The following CFAP46 variants were observed in gnomAD, a reference collection of about 807,000 sequenced individuals.
The protein encoded by CFAP46 is cilia- and flagella-associated protein 46.
A neutral mutation model predicts 325.7 loss-of-function variants in CFAP46; 245 were observed. The observed-to-expected ratio is 0.75, with a 90% CI of 0.68 to 0.84. The LOEUF is 0.84. Ranked by LOEUF, CFAP46 falls within the 40% of genes least tolerant of loss-of-function variation. CFAP46 has a pLI of 0.00. For synonymous variants in CFAP46, 1,523 were observed against 1,495.9 expected (o/e 1.02, Z -0.42); for missense variants, 3,346 against 3,543.0 (o/e 0.94, Z 1.41).
chr10:132,929,607 C>T (rs367603118), intron 9 of CFAP46, 98 bp downstream of exon 9: 9 of 1,146,186 alleles, frequency 7.9e-6, no homozygotes, highest in South Asian at 1.2e-5. Context: ...CCCTGGGGGC[C>T]GTGGCCTGGT....
chr10:132,849,975 C>T (rs927949278), intron 41 of CFAP46, among the ~76,000 whole-genome samples: 5 of 150,578 alleles, frequency 3.3e-5, no homozygotes, highest in South Asian at 2.2e-4. Context: ...CGTGCTGGGG[C>T]GGGCTGGCTC....
At chr10:132,851,431 G>A in intron 39 of CFAP46, 126 bp from the exon 40 acceptor site, 1 of 850,020 alleles carries the variant, frequency 1.2e-6, no homozygotes, top group South Asian at 1.8e-5. Flanking sequence ...ATCTACAGTG[G>A]AAAACTGACA....
intron 22 of CFAP46, 133 bp downstream of exon 22, chr10:132,908,334 GC>G: frequency 9.0e-7 from 1 of 1,109,282 alleles, no homozygotes; most frequent in Non-Finnish European, 1.3e-6. Context: ...TGTGATCGCG[GC>G]CCAGGCCCGC....
rs983157654 is a variant in CFAP46, at chr10:132,825,767, T to C, written c.7117+7591A>G. ...GTATACCAGGAAAATCCAACAAACCTCAAAGAACAAAACCCAGATAACCCC... is the reference window on the plus strand; with the variant it reads ...GTATACCAGGAAAATCCAACAAACCCCAAAGAACAAAACCCAGATAACCCC... On this transcript the variant is annotated intron_variant, in intron 50 of 57. Coordinates refer to ENST00000368586, the MANE Select transcript of CFAP46 (RefSeq NM_001200049.3). 2.0e-4 allele frequency among the ~76,000 whole-genome samples: 30 copies of C among 151,738 alleles called. No homozygotes were observed. The Middle Eastern group carries it at 0.01, about 52-fold the overall frequency.
intron 50 of CFAP46, among the ~76,000 whole-genome samples, chr10:132,829,334 TGTTTTAA>T (rs1848111890): frequency 6.6e-6 from 1 of 152,226 alleles, no homozygotes; most frequent in Non-Finnish European, 1.5e-5. Flanking sequence ...TCAATGGTAG[TGTTTTAA>T]GTTTTAATTT....
In CFAP46 at chr10:132,886,069, C is replaced by A; in HGVS notation, c.3305-110G>T. 7.1e-7 allele frequency: 1 copy of A among 1,404,052 alleles called. No individual in the cohort carries two copies. The highest frequency in any genetic ancestry group is 1.4e-5 in the African/African-American group (1 of 70,442). 87.0% of individuals were successfully genotyped at this position (1,404,052 alleles called of 1,614,324 possible). A position where few individuals can be genotyped will look rare whatever the true frequency, so the allele number is the denominator to read the frequency against. Reference sequence around the variant, plus strand: ...TCACAGTGCCCCTGAGGTGGAACCGCGGCTACAGAGGTGCCCAGGCCAGCG... The same window carrying A: ...TCACAGTGCCCCTGAGGTGGAACCGAGGCTACAGAGGTGCCCAGGCCAGCG... On this transcript the variant is annotated intron_variant, in intron 25 of 57. Transcript: ENST00000368586. The surrounding 1 kb of genome is among the most constrained non-coding windows in gnomAD (Gnocchi z 5.8).
intron 27 of CFAP46, among the ~76,000 whole-genome samples, chr10:132,882,610 C>G (rs1849064657): frequency 6.6e-6 from 1 of 151,774 alleles, no homozygotes; most frequent in African/African-American, 2.4e-5. Context: ...GGTGGGGGGT[C>G]TGGGCTAGAG....
intron 50 of CFAP46, among the ~76,000 whole-genome samples, chr10:132,822,061 CTGA>C (rs1191787868): frequency 6.5e-5 from 8 of 123,878 alleles, no homozygotes; most frequent in South Asian, 2.7e-4. Flanking sequence ...GCTGTGTGTG[CTGA>C]TGTGTGCTGT....
chr10:132,934,897 T>A (rs377720126), intron 7 of CFAP46, 35 bp from the exon 8 acceptor site: 1 of 1,283,282 alleles, frequency 7.8e-7, no homozygotes, highest in Non-Finnish European at 1.1e-6. Context: ...CAGCACAAGA[T>A]CCTGTCAGAT....
intron 25 of CFAP46, among the ~76,000 whole-genome samples, chr10:132,888,089 C>T (rs1164639941): frequency 6.6e-6 from 1 of 150,992 alleles, no homozygotes; most frequent in African/African-American, 2.4e-5. Flanking sequence ...TCTCCCCTCT[C>T]CCTCTCTCAT....
At chr10:132,926,802 C>T (rs1244391484) in intron 9 of CFAP46, 136 bp from the exon 10 acceptor site, 2 of 698,440 alleles carry the variant, frequency 2.9e-6, no homozygotes, top group African/African-American at 1.8e-5. Flanking sequence ...GACACAAAGA[C>T]ACCTATGACG....
At chr10:132,929,316 C>T (rs907100244) in intron 9 of CFAP46, 2 of 606,024 alleles carry the variant, frequency 3.3e-6, no homozygotes. Flanking sequence ...TAGCTGTCTG[C>T]AGGTAACAAA....
chr10:132,879,349 G>A (rs1338243992), intron 29 of CFAP46, 77 bp downstream of exon 29: 26 of 1,334,708 alleles, frequency 1.9e-5, no homozygotes, highest in East Asian at 2.6e-5. Context: ...TCTTTACAAC[G>A]CTCACTGCGG....
chr10:132,909,297 G>A, intron 20 of CFAP46, 53 bp from the exon 21 acceptor site: 3 of 1,261,448 alleles, frequency 2.4e-6, no homozygotes, highest in Middle Eastern at 1.9e-4. Flanking sequence ...GGGGGAGTCT[G>A]GAATATGCGT....
At chr10:132,868,465 C>T (rs554460845) in intron 33 of CFAP46, among the ~76,000 whole-genome samples, 6 of 149,262 alleles carry the variant, frequency 4.0e-5, no homozygotes, top group East Asian at 1.9e-4. Flanking sequence ...AGATAACTCA[C>T]GGTGCACAGA....
Position 132,898,942 on chromosome 10 carries a change from C to G in CFAP46, c.3219+17G>C. ...GGCCTCAGTGGGAGTCAGGAGCCCC[C>G]TCCAGGGCTGGTGCACCTGCTTTCT... On this transcript the variant is annotated intron_variant, in intron 24 of 57. Transcript: ENST00000368586. 1 of 1,550,464 alleles carries G rather than the reference C, an allele frequency of 6.4e-7. No homozygotes were observed. The highest frequency in any genetic ancestry group is 8.7e-7 in the Non-Finnish European group (1 of 1,146,904).
At chr10:132,887,103 CTCCTCTTTCACCTCTCTCT>C (rs1849145000) in intron 25 of CFAP46, among the ~76,000 whole-genome samples, 1 of 144,298 alleles carries the variant, frequency 6.9e-6, no homozygotes, top group African/African-American at 2.7e-5. Context: ...CCTCTCCTCT[CTCCTCTTTCACCTCTCTCT>C]CTCCTCTCCT....
Position 132,834,055 on chromosome 10 carries a change from G to T in CFAP46, c.6935C>A (p.Ser2312Tyr). ...GCCCCACTCACTGTGTTGTCCTGTG[G>T]ACGTTTTCCTCTCCTTGTCTTTGCC... ...SKGKDKERKT[S>Y]TGQHSTVQPE... Residue 2312 changes from serine (S) to tyrosine (Y), a missense_variant, in exon 49 of 58, where the codon TCC (serine) becomes TAC (tyrosine). Ser to Tyr is a moderately radical substitution (Grantham distance 144). Coordinates refer to ENST00000368586, the MANE Select transcript of CFAP46 (RefSeq NM_001200049.3). 6.2e-7 allele frequency: 1 copy of T among 1,614,048 alleles called. No homozygotes were observed. The highest frequency in any genetic ancestry group is 8.5e-7 in the Non-Finnish European group (1 of 1,179,950).
Position 132,884,072 on chromosome 10 carries a change from G to C in CFAP46, c.3627+1031C>G, listed in dbSNP as rs1007480318. On this transcript the variant is annotated intron_variant, in intron 27 of 57. Coordinates refer to ENST00000368586, the MANE Select transcript of CFAP46 (RefSeq NM_001200049.3). The surrounding 1 kb of genome is among the most constrained non-coding windows in gnomAD (Gnocchi z 5.4). ...AAACACTTTCAAGGGTTTCTGCCCC[G>C]AGGCCCAGTGCAGCTCAGCTGGGTC... 6.6e-6 allele frequency among the ~76,000 whole-genome samples: 1 copy of C among 152,220 alleles called. No homozygotes were observed. Among genetic ancestry groups the C allele is most frequent in the South Asian group, 2.1e-4 (1 of 4,834 alleles).
Sources: allele counts gnomAD v4.1 joint callset (sites outside exome capture counted in the v4.1 genomes callset), GRCh38; gene constraint gnomAD v4.1.1; non-coding constraint Gnocchi (gnomAD v3.1); transcripts MANE v1.5; gene names NCBI Gene and HGNC (gene_info 2026-07-23, HGNC 2026-07-21).